The following CACNB4 variants were observed in gnomAD, a reference collection of about 807,000 sequenced individuals.
The protein encoded by CACNB4 is voltage-dependent L-type calcium channel subunit beta-4.
Under a neutral mutation model 71.2 loss-of-function variants are expected in CACNB4, and 32 were observed. The ratio of observed to expected loss-of-function variants is 0.45; its 90% CI spans 0.34 to 0.60. The LOEUF is 0.60. Among genes scored for constraint, CACNB4 ranks in the 20% least tolerant of loss-of-function variants. The pLI, the probability that CACNB4 is intolerant of heterozygous loss-of-function variation, is 0.01. For synonymous variants in CACNB4, 231 were observed against 236.9 expected, an observed-to-expected ratio of 0.97 and a Z score of 0.23; for missense variants, 464 against 647.9, an observed-to-expected ratio of 0.72 and a Z score of 3.08.
At chr2:152,036,912 T>C (rs1003499448) in intron 2 of CACNB4, among the ~76,000 whole-genome samples, 1 of 152,196 alleles carries the variant, frequency 6.6e-6, no homozygotes, top group African/African-American at 2.4e-5. Context: ...AAATATTAAT[T>C]GAGAATCCCA....
At chr2:151,864,377 G>A (rs564508512) in intron 9 of CACNB4, among the ~76,000 whole-genome samples, 3 of 152,236 alleles carry the variant, frequency 2.0e-5, no homozygotes, top group South Asian at 2.1e-4. Flanking sequence ...GCAATCCATC[G>A]TGAGTTGTAT....
At chr2:152,097,492 A>G (rs956597477) in intron 2 of CACNB4, among the ~76,000 whole-genome samples, 5 of 152,178 alleles carry the variant, frequency 3.3e-5, no homozygotes, top group Admixed American at 2.6e-4. Context: ...AGAAAGATCA[A>G]GGTGACTCAT....
intron 9 of CACNB4, among the ~76,000 whole-genome samples, chr2:151,864,485 T>A (rs1461425999): frequency 2.6e-5 from 4 of 152,230 alleles, no homozygotes; most frequent in African/African-American, 9.6e-5. Context: ...GTAACAGCTG[T>A]AAGATCTGTC....
At chr2:152,003,422 G>A (rs1682537306) in intron 2 of CACNB4, among the ~76,000 whole-genome samples, 1 of 151,762 alleles carries the variant, frequency 6.6e-6, no homozygotes, top group Non-Finnish European at 1.5e-5. Flanking sequence ...CTCCAGCCTG[G>A]GCGACAGACC....
intron 2 of CACNB4, among the ~76,000 whole-genome samples, chr2:151,977,991 T>C (rs1207546383): frequency 6.6e-6 from 1 of 152,226 alleles, no homozygotes; most frequent in Non-Finnish European, 1.5e-5. Flanking sequence ...CAAGTAATAG[T>C]ACTCCACTCC....
chr2:151,984,867 T>C (rs1319880167), intron 2 of CACNB4, among the ~76,000 whole-genome samples: 1 of 152,198 alleles, frequency 6.6e-6, no homozygotes, highest in Non-Finnish European at 1.5e-5. Flanking sequence ...CTCATTATAC[T>C]TTCCTCAAAA....
chr2:151,860,719 G>A lies in CACNB4; in HGVS notation c.860C>T (p.Ser287Phe). 1 of 1,608,368 alleles carries A rather than the reference G, an allele frequency of 6.2e-7. No homozygotes were observed. The highest frequency in any genetic ancestry group is 8.5e-7 in the Non-Finnish European group (1 of 1,174,760). Residue 287 changes from serine to phenylalanine, a missense_variant, in exon 10 of 14, where the codon TCC (serine) becomes TTC (phenylalanine). Ser to Phe is a radical substitution (Grantham distance 155, BLOSUM62 -2). Around this residue, in one of 3 missense-constraint regions of CACNB4, gnomAD observed 299 missense variants for 471.7 expected, o/e 0.63. Transcript: ENST00000539935. ...RAIIERSNTR[S>F]SLAEVQSEIE... The stretch of plus-strand genomic sequence containing the variant: ...ACATTTGAACATCTTACCTAAGCTG[G>A]ACCGGGTGTTCGAACGTTCAATTAT...
At chr2:152,049,466 T>C (rs755181650) in intron 2 of CACNB4, among the ~76,000 whole-genome samples, 5 of 152,224 alleles carry the variant, frequency 3.3e-5, no homozygotes, top group Non-Finnish European at 7.3e-5. Flanking sequence ...TCTCTTTCCC[T>C]CTCGTTTCAC....
intron 12 of CACNB4, among the ~76,000 whole-genome samples, chr2:151,845,571 A>C (rs1341623137): frequency 6.6e-6 from 1 of 152,242 alleles, no homozygotes; most frequent in Non-Finnish European, 1.5e-5. Flanking sequence ...TCATAAATTT[A>C]AAGGTTCAAG....
intron 2 of CACNB4, among the ~76,000 whole-genome samples, chr2:152,096,319 T>C (rs1688265625): frequency 6.9e-6 from 1 of 145,200 alleles, no homozygotes; most frequent in African/African-American, 2.6e-5. Context: ...CTGTCTCCAC[T>C]AAAAATACAA....
At chr2:152,022,848 T>A (rs1301986994) in intron 2 of CACNB4, among the ~76,000 whole-genome samples, 1 of 152,212 alleles carries the variant, frequency 6.6e-6, no homozygotes, top group Non-Finnish European at 1.5e-5. Flanking sequence ...ACTGTAATCA[T>A]TAAAACCCAG....
intron 12 of CACNB4, among the ~76,000 whole-genome samples, chr2:151,846,075 G>C (rs1191351623): frequency 6.6e-6 from 1 of 152,172 alleles, no homozygotes; most frequent in Non-Finnish European, 1.5e-5. Flanking sequence ...TTAAAAAAAA[G>C]TATTTAACCA....
intron 2 of CACNB4, among the ~76,000 whole-genome samples, chr2:151,992,949 G>A (rs1370387192): frequency 6.6e-6 from 1 of 152,176 alleles, no homozygotes; most frequent in Non-Finnish European, 1.5e-5. Flanking sequence ...GAACATTTAA[G>A]TTCTCAGGAC....
intron 10 of CACNB4, chr2:151,859,913 T>C (rs2099841215): frequency 6.6e-6 from 1 of 152,212 alleles, no homozygotes; most frequent in East Asian, 1.9e-4. Flanking sequence ...CTATTATCTA[T>C]AGAGCTAATT....
At chr2:152,082,512 G>A (rs1365696709) in intron 2 of CACNB4, among the ~76,000 whole-genome samples, 4 of 152,204 alleles carry the variant, frequency 2.6e-5, no homozygotes, top group Admixed American at 6.5e-5. Flanking sequence ...AGACCTGAGA[G>A]CTAACTGTAC....
intron 2 of CACNB4, among the ~76,000 whole-genome samples, chr2:152,003,708 A>G (rs1347398040): frequency 5.3e-5 from 8 of 152,264 alleles, no homozygotes; most frequent in African/African-American, 1.4e-4. Flanking sequence ...AATGTAATTC[A>G]TCATTGTATT....
chr2:151,906,671 G>A (rs914811046), intron 2 of CACNB4, among the ~76,000 whole-genome samples: 7 of 152,162 alleles, frequency 4.6e-5, no homozygotes, highest in African/African-American at 1.7e-4. Flanking sequence ...CTACAGTCTT[G>A]TCCAGCAACA....
chr2:151,986,370 G>C (rs781510309), intron 2 of CACNB4, among the ~76,000 whole-genome samples: 1 of 152,154 alleles, frequency 6.6e-6, no homozygotes, highest in Non-Finnish European at 1.5e-5. Context: ...TCCAACTCAA[G>C]AAGAGCCTCT....
At chr2:151,872,243 T>C (rs531040380) in intron 6 of CACNB4, 174 bp downstream of exon 6, 46 of 587,760 alleles carry the variant, frequency 7.8e-5, no homozygotes, top group African/African-American at 6.3e-4. Context: ...TTTAATACCA[T>C]TTTAAATGAA....
Sources: allele counts gnomAD v4.1 joint callset (sites outside exome capture counted in the v4.1 genomes callset), GRCh38; gene constraint gnomAD v4.1.1; regional missense constraint gnomAD v4.1.1; transcripts MANE v1.5; gene names NCBI Gene and HGNC (gene_info 2026-07-23, HGNC 2026-07-21).